NEMP1: variants seen among roughly 807,000 people sequenced by gnomAD.
NEMP1 encodes transmembrane protein 194.
In NEMP1, 29 loss-of-function variants were observed where a neutral mutation model predicts 53.7. That is an observed-to-expected ratio of 0.54 (90% CI 0.40 to 0.74). The LOEUF (loss-of-function observed/expected upper bound fraction) is 0.74. NEMP1 is among the 30% of genes least tolerant of loss of function. The pLI, the probability that NEMP1 is intolerant of heterozygous loss-of-function variation, is 0.00. For missense variants in NEMP1, 477 were observed against 528.6 expected (o/e 0.90, Z 0.96); for synonymous variants, 193 against 192.9 (o/e 1.00, Z 0.00).
chr12:57,070,920 G>GA (rs2032317242), intron 2 of NEMP1, 27 bp from the exon 3 acceptor site: 1 of 1,544,060 alleles, frequency 6.5e-7, no homozygotes, highest in African/African-American at 1.4e-5. Flanking sequence ...ATCAGGATGA[G>GA]AAAAAAGGAA....
intron 4 of NEMP1, among the ~76,000 whole-genome samples, chr12:57,068,396 G>A (rs960565004): frequency 3.0e-4 from 46 of 150,938 alleles, no homozygotes; most frequent in African/African-American, 1.1e-3. Context: ...CTGTGGCCCA[G>A]GTTGAAGTAC....
intron 1 of NEMP1, among the ~76,000 whole-genome samples, chr12:57,077,328 T>C (rs1356032025): frequency 2.3e-5 from 3 of 132,146 alleles, no homozygotes; most frequent in Non-Finnish European, 3.2e-5. Flanking sequence ...GGAGACTCTG[T>C]TTAAAAAAAA....
Position 57,059,049 on chromosome 12 carries a change from C to G in NEMP1, c.*830G>C, listed in dbSNP as rs1477139718. The G allele has an allele frequency of 6.6e-6, 1 of 152,044 alleles. No homozygotes were observed. The highest frequency in any genetic ancestry group is 6.6e-5 in the Admixed American group (1 of 15,252). 9.4% of individuals were successfully genotyped at this position (152,044 alleles called of 1,614,324 possible). A position where few individuals can be genotyped will look rare whatever the true frequency, so the allele number is the denominator to read the frequency against. ...CTGACCCTTCCTGAAAGGGCAAAGGCAGGGTAAGGAAGAATGGGAAGAGAA... is the reference window on the plus strand; with the variant it reads ...CTGACCCTTCCTGAAAGGGCAAAGGGAGGGTAAGGAAGAATGGGAAGAGAA... On this transcript the variant is annotated 3_prime_UTR_variant, in exon 9 of 9. Coordinates refer to ENST00000300128, the MANE Select transcript of NEMP1 (RefSeq NM_001130963.2).
At chr12:57,071,730 G>A (rs1268054909) in intron 2 of NEMP1, among the ~76,000 whole-genome samples, 1 of 151,740 alleles carries the variant, frequency 6.6e-6, no homozygotes, top group African/African-American at 2.4e-5. Flanking sequence ...AAGTTGGCTG[G>A]GCATGGCCCC....
At chr12:57,068,237 T>C (rs921439720) in intron 4 of NEMP1, among the ~76,000 whole-genome samples, 1 of 152,244 alleles carries the variant, frequency 6.6e-6, no homozygotes, top group Admixed American at 6.5e-5. Flanking sequence ...TTAATGTTGA[T>C]TTTACCTTCA....
rs971846740 is a variant in NEMP1, at chr12:57,070,755, C to T, written c.391G>A (p.Val131Met). ...KEKLNDTYVN[V>M]GLYSTKTCLK... The stretch of plus-strand genomic sequence containing the variant: ...CAGGTTTTTGTGCTGTATAGACCCA[C>T]GTTAACATAGGTGTCATTCAATTTC... Residue 131 changes from valine (V) to methionine (M), a missense_variant, in exon 3 of 9, where the codon GTG becomes ATG. By Grantham distance (21) the Val-to-Met change is conservative (BLOSUM62 1). Transcript: ENST00000300128. The T allele has an allele frequency of 2.5e-6, 4 of 1,598,966 alleles. No homozygotes were observed. Among genetic ancestry groups the T allele is most frequent in the African/African-American group, 1.3e-5 (1 of 74,172 alleles).
rs540494933 is a variant in NEMP1, at chr12:57,058,344, C to T, written c.*1535G>A. ...GAGTCATTACGGCTTTTTAAAAAAT[C>T]ATCTGCCTTTTTCCATCATCTTGGT... On this transcript the variant is annotated 3_prime_UTR_variant, in exon 9 of 9. Coordinates refer to ENST00000300128, the MANE Select transcript of NEMP1 (RefSeq NM_001130963.2). 4 of 152,302 alleles carry T rather than the reference C, an allele frequency of 2.6e-5. No individual in the cohort carries two copies. The highest frequency in any genetic ancestry group is 9.6e-5 in the African/African-American group (4 of 41,558). The allele number at this position is 152,302 out of a possible 1,614,324, so 9.4% of individuals were successfully genotyped here.
In NEMP1 at chr12:57,069,296, G is replaced by C; in HGVS notation, c.483C>G (p.Pro161=). ...CAAGAAGGAAAACAAGAAAGAGTTT[G>C]GGATCAAATCCTGAAATAAATAAAG... is the stretch of plus-strand genomic sequence containing the variant. ...YSVIVIRRFD[P]KLFLVFLLGL... Residue 161 remains proline, a synonymous_variant, in exon 4 of 9, where the codon CCC becomes CCG. Coordinates refer to ENST00000300128, the MANE Select transcript of NEMP1 (RefSeq NM_001130963.2). The C allele has an allele frequency of 6.5e-7, 1 of 1,544,528 alleles. No individual in the cohort carries two copies. The highest frequency in any genetic ancestry group is 1.2e-5 in the South Asian group (1 of 82,240).
At position 57,063,157 on chromosome 12, in the gene NEMP1, G is replaced by A; in HGVS notation, c.942C>T (p.Asn314=). 6.2e-7 allele frequency: 1 copy of A among 1,614,112 alleles called. No individual in the cohort carries two copies. The highest frequency in any genetic ancestry group is 1.1e-5 in the South Asian group (1 of 91,082). The change falls in exon 7 of 9, where the codon AAC becomes AAT. Residue 314 remains asparagine (N), a synonymous_variant. Coordinates refer to ENST00000300128, the MANE Select transcript of NEMP1 (RefSeq NM_001130963.2). ...ACAGCCACTGAATAGGGTGTTCCAG[G>A]TTCTTAGTACAAAGAGCAATGATGA... ...AIIIIALCTK[N]LEHPIQWLYI...
upstream of NEMP1, among the ~76,000 whole-genome samples, chr12:57,088,478 C>G (rs2033082548): frequency 6.6e-6 from 1 of 152,208 alleles, no homozygotes; most frequent in Admixed American, 6.5e-5. Context: ...GGAGAAGCCG[C>G]ACAGCCCAGC....
In NEMP1 at chr12:57,056,748, G is replaced by A. The variant is rs2031543030; in HGVS notation, c.*3131C>T. On this transcript the variant is annotated 3_prime_UTR_variant, in exon 9 of 9. Coordinates refer to ENST00000300128, the MANE Select transcript of NEMP1 (RefSeq NM_001130963.2). ...TCCCAAGCCTTTTATGGATATCAGG[G>A]CCTGGGGGGACTATCTGGCCTATTT... 6.6e-6 allele frequency: 1 copy of A among 152,092 alleles called. No individual in the cohort carries two copies. The highest frequency in any genetic ancestry group is 2.4e-5 in the African/African-American group (1 of 41,410). 9.4% of individuals were successfully genotyped at this position (152,092 alleles called of 1,614,324 possible). A position where few individuals can be genotyped will look rare whatever the true frequency, so the allele number is the denominator to read the frequency against.
rs1310812831 is a variant in NEMP1, at chr12:57,056,862, A to C, written c.*3017T>G. ...AAGAGACGGCTGGGCCCTAGAATGG[A>C]ATCTATTAGCATAAAATGGAACAGT... On this transcript the variant is annotated 3_prime_UTR_variant, in exon 9 of 9. Transcript: ENST00000300128. 1 of 152,206 alleles carries C rather than the reference A, an allele frequency of 6.6e-6. No homozygotes were observed. The highest frequency in any genetic ancestry group is 1.5e-5 in the Non-Finnish European group (1 of 68,030). 9.4% of individuals were successfully genotyped at this position (152,206 alleles called of 1,614,324 possible).
upstream of NEMP1, among the ~76,000 whole-genome samples, chr12:57,079,489 A>G (rs2032778631): frequency 6.6e-6 from 1 of 152,222 alleles, no homozygotes; most frequent in Non-Finnish European, 1.5e-5. Context: ...GAACCTGCCC[A>G]AGATTTCATA....
chr12:57,060,001 C>G lies in NEMP1; in HGVS notation c.1213G>C (p.Glu405Gln). The change falls in exon 9 of 9, where the codon GAG becomes CAG. Residue 405 changes from glutamate to glutamine, a missense_variant. Coordinates refer to ENST00000300128, the MANE Select transcript of NEMP1 (RefSeq NM_001130963.2). ...HLTPNEVSVH[E>Q]QEYGLGSIIA... ...ATGCTCCCTAATCCATACTCCTGCTCATGGACAGAAACTTCATTTGGCGTG... is the reference window on the plus strand; with the variant it reads ...ATGCTCCCTAATCCATACTCCTGCTGATGGACAGAAACTTCATTTGGCGTG... The G allele has an allele frequency of 6.2e-7, 1 of 1,614,016 alleles. No individual in the cohort carries two copies. Among genetic ancestry groups the G allele is most frequent in the Non-Finnish European group, 8.5e-7 (1 of 1,179,994 alleles).
rs1163645298 is a variant in NEMP1 at position 57,063,214 on chromosome 12, G to A, written c.885C>T (p.Gly295=). Residue 295 remains glycine (G), a synonymous_variant, in exon 7 of 9, where the codon GGC becomes GGT. Transcript: ENST00000300128. ...CAAGGGCAATATGTGGTATCTGGAT[G>A]CCAGAATACATGAAACACAGGCCCA... ...QLMGLCFMYS[G]IQIPHIALAI... 1.2e-6 allele frequency: 2 copies of A among 1,614,122 alleles called. No individual in the cohort carries two copies. The highest frequency in any genetic ancestry group is 1.7e-6 in the Non-Finnish European group (2 of 1,179,966).
At position 57,064,653 on chromosome 12, in the gene NEMP1, A is replaced by C; in HGVS notation, c.632T>G (p.Met211Arg). 6.2e-7 allele frequency: 1 copy of C among 1,609,450 alleles called. No homozygotes were observed. ...LIIIFILSKF[M>R]PKKSPIYVIL... Reference sequence around the variant, plus strand: ...GAAGATTCTGATACTTACCTTAGGCATAAACTTAGATAGTATAAAAATGAT... The same window carrying C: ...GAAGATTCTGATACTTACCTTAGGCCTAAACTTAGATAGTATAAAAATGAT... The change falls in exon 5 of 9, where the codon ATG (methionine) becomes AGG (arginine). Residue 211 changes from methionine (M) to arginine (R), a missense_variant. Met to Arg is a moderately conservative substitution (Grantham distance 91). Transcript: ENST00000300128.
At chr12:57,068,254 GTTTA>G (rs2032187903) in intron 4 of NEMP1, among the ~76,000 whole-genome samples, 1 of 151,480 alleles carries the variant, frequency 6.6e-6, no homozygotes, top group Non-Finnish European at 1.5e-5. Flanking sequence ...TTCATTCAAT[GTTTA>G]TTTAGTTACC....
chr12:57,058,958 A>AG lies in NEMP1; in HGVS notation c.*920dup, dbSNP rs1252801368. The AG allele has an allele frequency of 6.6e-6, 1 of 152,254 alleles. No homozygotes were observed. Among genetic ancestry groups the AG allele is most frequent in the Non-Finnish European group, 1.5e-5 (1 of 68,050 alleles). The allele number at this position is 152,254 out of a possible 1,614,324, so 9.4% of individuals were successfully genotyped here. On this transcript the variant is annotated 3_prime_UTR_variant, in exon 9 of 9. Coordinates refer to ENST00000300128, the MANE Select transcript of NEMP1 (RefSeq NM_001130963.2). Reference sequence around the variant, plus strand: ...AAAAAGCATCCAAATCCCCTAAACAAGATGACTTCTCCTAGCTAGCAGGAA... The same window carrying AG: ...AAAAAGCATCCAAATCCCCTAAACAAGGATGACTTCTCCTAGCTAGCAGGAA...
intron 1 of NEMP1, among the ~76,000 whole-genome samples, chr12:57,083,898 C>T (rs893726182): frequency 2.6e-5 from 4 of 152,200 alleles, no homozygotes; most frequent in South Asian, 4.1e-4. Context: ...CTCCACCTCC[C>T]GAGTAGCTGG....
Sources: allele counts gnomAD v4.1 joint callset (sites outside exome capture counted in the v4.1 genomes callset), GRCh38; gene constraint gnomAD v4.1.1; transcripts MANE v1.5; gene names NCBI Gene and HGNC (gene_info 2026-07-23, HGNC 2026-07-21).